Variants in RAD51B observed in about 807,000 individuals in gnomAD.
The protein encoded by RAD51B is RAD51 paralog B, also known as DNA repair protein RAD51 homolog 2.
RAD51B carries 38 observed loss-of-function variants against 42.2 expected under a neutral mutation model. The observed-to-expected ratio is 0.90, with a 90% confidence interval of 0.70 to 1.18. RAD51B has a LOEUF of 1.18. RAD51B is among the 50% of genes most tolerant of loss of function. The pLI is 0.00. For missense variants in RAD51B, 373 were observed against 400.7 expected, an observed-to-expected ratio of 0.93 and a Z score of 0.59; for synonymous variants, 154 against 145.2, an observed-to-expected ratio of 1.06 and a Z score of -0.43.
chr14:68,566,333 TAAG>T (rs1889418248), intron 10 of RAD51B, among the ~76,000 whole-genome samples: 1 of 152,208 alleles, frequency 6.6e-6, no homozygotes, highest in African/African-American at 2.4e-5. Context: ...GGAGAATTAA[TAAG>T]AAGGTGAACC....
At chr14:67,895,471 A>G (rs775560260) in intron 7 of RAD51B, among the ~76,000 whole-genome samples, 10 of 152,358 alleles carry the variant, frequency 6.6e-5, no homozygotes, top group African/African-American at 2.2e-4. Flanking sequence ...GTAATAGTAC[A>G]TATGGGTACA....
At chr14:68,061,834 T>C (rs2076572914) in intron 7 of RAD51B, among the ~76,000 whole-genome samples, 1 of 152,192 alleles carries the variant, frequency 6.6e-6, no homozygotes, top group Non-Finnish European at 1.5e-5. Flanking sequence ...AAATTATGTC[T>C]TTTGCAAACA....
chr14:67,897,431 A>G (rs2043458250), intron 7 of RAD51B, among the ~76,000 whole-genome samples: 1 of 152,194 alleles, frequency 6.6e-6, no homozygotes, highest in South Asian at 2.1e-4. Context: ...AAGAGACAAT[A>G]CAATTAAAAA....
chr14:68,607,970 A>G, intron 10 of RAD51B, among the ~76,000 whole-genome samples: 1 of 152,236 alleles, frequency 6.6e-6, no homozygotes, highest in Admixed American at 6.5e-5. Context: ...CAAGAAAAGA[A>G]GGTTCTGGTT....
downstream of RAD51B, chr14:68,596,054 G>A: frequency 9.6e-7 from 1 of 1,042,604 alleles, no homozygotes; most frequent in Non-Finnish European, 1.2e-6. Flanking sequence ...ACCAGCAGAT[G>A]TGTTTCCTGT....
intron 9 of RAD51B, among the ~76,000 whole-genome samples, chr14:68,431,587 C>T (rs1210367370): frequency 6.6e-6 from 1 of 151,550 alleles, no homozygotes; most frequent in African/African-American, 2.4e-5. Flanking sequence ...TCTGTGGGAT[C>T]AGTGGTGATA....
intron 5 of RAD51B, among the ~76,000 whole-genome samples, chr14:67,882,805 C>T (rs1191117597): frequency 2.0e-5 from 3 of 151,990 alleles, no homozygotes; most frequent in African/African-American, 7.2e-5. Context: ...AGTGCAGTGG[C>T]GTGATCTTGG....
chr14:67,882,717 T>A (rs1169275522), intron 5 of RAD51B, among the ~76,000 whole-genome samples: 2 of 152,164 alleles, frequency 1.3e-5, no homozygotes, highest in African/African-American at 4.8e-5. Flanking sequence ...ATTCCATTCT[T>A]CTAGACACTC....
intron 11 of RAD51B, among the ~76,000 whole-genome samples, chr14:68,673,885 TGTATAC>T (rs1893239898): frequency 2.2e-5 from 3 of 139,468 alleles, no homozygotes; most frequent in African/African-American, 2.8e-5. Flanking sequence ...TGCACACACA[TGTATAC>T]ATGCACACAC....
intron 7 of RAD51B, among the ~76,000 whole-genome samples, chr14:67,923,243 G>GGT (rs772785450): frequency 2.0e-4 from 30 of 150,590 alleles, no homozygotes; most frequent in Non-Finnish European, 3.0e-4. Flanking sequence ...GTGTGTATGG[G>GGT]GTGTGTGTGT....
At chr14:68,406,485 T>A (rs578193082) in intron 8 of RAD51B, among the ~76,000 whole-genome samples, 2 of 152,304 alleles carry the variant, frequency 1.3e-5, no homozygotes, top group Admixed American at 1.3e-4. Flanking sequence ...GGATTAAAAA[T>A]GGTACACCTG....
In RAD51B at chr14:68,058,003, A is replaced by G. The variant is rs1428643282; in HGVS notation, c.756+170799A>G. 3.3e-5 allele frequency among the ~76,000 whole-genome samples: 5 copies of G among 151,862 alleles called. No individual in the cohort carries two copies. In the East Asian group the frequency reaches 9.6e-4, roughly 29 times the overall value. ...AATATGCATTTGTAATTGATAGAGG[A>G]AAGAATTTGTCTTTCCTCTGTCTCC... is the stretch of plus-strand genomic sequence containing the variant. On this transcript the variant is annotated intron_variant, in intron 7 of 10. Transcript: ENST00000471583.
chr14:68,025,345 A>G (rs1273905791), intron 7 of RAD51B, among the ~76,000 whole-genome samples: 3 of 152,090 alleles, frequency 2.0e-5, no homozygotes, highest in Non-Finnish European at 4.4e-5. Context: ...GTATCAGGTA[A>G]TGCTGGCTTC....
Position 67,923,820 on chromosome 14 carries a change from T to C in RAD51B, c.756+36616T>C, listed in dbSNP as rs768848739. 2.6e-5 allele frequency among the ~76,000 whole-genome samples: 4 copies of C among 152,312 alleles called. No individual in the cohort carries two copies. In the East Asian group the frequency reaches 7.7e-4, roughly 29 times the overall value. ...ATCTCCACATTGTTTTCCATAGAGGTTGTACTAGTTTACATTTGCACCAGC... is the reference window on the plus strand; with the variant it reads ...ATCTCCACATTGTTTTCCATAGAGGCTGTACTAGTTTACATTTGCACCAGC... On this transcript the variant is annotated intron_variant, in intron 7 of 10. Coordinates refer to ENST00000471583, the MANE Select transcript of RAD51B (RefSeq NM_133510.4).
At chr14:67,916,344 C>T (rs2044149895) in intron 7 of RAD51B, among the ~76,000 whole-genome samples, 1 of 151,836 alleles carries the variant, frequency 6.6e-6, no homozygotes, top group African/African-American at 2.4e-5. Context: ...TGTAGTGGAG[C>T]TCACAGTTTA....
chr14:67,860,663 T>C (rs2042135047), intron 4 of RAD51B, among the ~76,000 whole-genome samples: 1 of 151,988 alleles, frequency 6.6e-6, no homozygotes, highest in South Asian at 2.1e-4. Flanking sequence ...CTAAGATGGA[T>C]TGGTGAATGG....
chr14:68,393,682 G>A (rs950476150), intron 8 of RAD51B, among the ~76,000 whole-genome samples: 1 of 152,214 alleles, frequency 6.6e-6, no homozygotes, highest in South Asian at 2.1e-4. Context: ...TGCATCTACA[G>A]TGCAAAACGT....
At chr14:68,271,354 G>A (rs1017495265) in intron 7 of RAD51B, among the ~76,000 whole-genome samples, 1 of 152,210 alleles carries the variant, frequency 6.6e-6, no homozygotes, top group African/African-American at 2.4e-5. Flanking sequence ...GTGATGAAAA[G>A]CTTGGGCTTT....
chr14:67,877,584 G>C (rs1197542682), intron 5 of RAD51B, among the ~76,000 whole-genome samples: 5 of 152,054 alleles, frequency 3.3e-5, no homozygotes, highest in Non-Finnish European at 7.4e-5. Flanking sequence ...TCTAGATATT[G>C]TTTGTCAGTT....
Sources: allele counts gnomAD v4.1 joint callset (sites outside exome capture counted in the v4.1 genomes callset), GRCh38; gene constraint gnomAD v4.1.1; transcripts MANE v1.5; gene names NCBI Gene and HGNC (gene_info 2026-07-23, HGNC 2026-07-21).